UBXN7: variants seen among roughly 807,000 people sequenced by gnomAD.
UBXN7 encodes UBX domain protein 7.
A neutral mutation model predicts 58.0 loss-of-function variants in UBXN7; 9 were observed. The observed-to-expected ratio is 0.16, with a 90% CI of 0.09 to 0.27. UBXN7 has a LOEUF of 0.27. Among genes scored for constraint, UBXN7 ranks in the 10% least tolerant of loss-of-function variants. UBXN7 has a pLI of 1.00. For synonymous variants in UBXN7, 208 were observed against 205.0 expected (o/e 1.01, Z -0.12); for missense variants, 328 against 599.6 (o/e 0.55, Z 4.73).
chr3:196,401,292 T>C (rs1342809314), intron 3 of UBXN7, among the ~76,000 whole-genome samples: 4 of 84,170 alleles, frequency 4.8e-5, no homozygotes, highest in Non-Finnish European at 8.4e-5. Flanking sequence ...TATATATATA[T>C]ATATATACAC....
chr3:196,411,831 G>C (rs1187934308), intron 1 of UBXN7, among the ~76,000 whole-genome samples: 1 of 152,106 alleles, frequency 6.6e-6, no homozygotes, highest in Non-Finnish European at 1.5e-5. Context: ...CAAACTAGCA[G>C]ATGACATGGA....
rs369681168 is a variant in UBXN7 at position 196,418,672 on chromosome 3, AAATAC to A, written c.74-11284_74-11280del. Among the ~76,000 whole-genome samples the A allele has an allele frequency of 1.3e-3, 195 of 152,374 alleles. 2 individuals carry two copies. The highest frequency in any genetic ancestry group is 4.5e-3 in the African/African-American group (189 of 41,594). ...GGTGATAGGGAGGCAGTAGAAAACT[AAATAC>A]AAGTACAGTATGTATGTATTCTAGA... On this transcript the variant is annotated intron_variant, in intron 1 of 10. Coordinates refer to ENST00000296328, the MANE Select transcript of UBXN7 (RefSeq NM_015562.2).
At chr3:196,375,226 C>T (rs1359110493) in intron 5 of UBXN7, among the ~76,000 whole-genome samples, 1 of 146,676 alleles carries the variant, frequency 6.8e-6, no homozygotes, top group Non-Finnish European at 1.5e-5. Flanking sequence ...CACACACACA[C>T]GTAAAAAGAC....
At chr3:196,393,403 G>T in intron 4 of UBXN7, 151 bp downstream of exon 4, 1 of 645,264 alleles carries the variant, frequency 1.5e-6, no homozygotes, top group Non-Finnish European at 2.5e-6. Flanking sequence ...GAACAATTTA[G>T]CTCAGGGGAG....
At chr3:196,385,324 A>G (rs1005797690) in intron 5 of UBXN7, among the ~76,000 whole-genome samples, 3 of 152,182 alleles carry the variant, frequency 2.0e-5, no homozygotes, top group Admixed American at 2.0e-4. Flanking sequence ...CCCAGGCTGA[A>G]GTGCAGTGGC....
chr3:196,365,422 G>C (rs995914174), intron 8 of UBXN7, among the ~76,000 whole-genome samples: 1 of 151,988 alleles, frequency 6.6e-6, no homozygotes, highest in Non-Finnish European at 1.5e-5. Flanking sequence ...TTTCTTAAGA[G>C]ACAGAGTCTT....
chr3:196,393,802 G>A (rs964409455), intron 3 of UBXN7, 183 bp from the exon 4 acceptor site: 16 of 464,010 alleles, frequency 3.4e-5, no homozygotes, highest in African/African-American at 1.2e-4. Flanking sequence ...ATGTGCTGCC[G>A]CAGCGAGCAC....
At chr3:196,393,819 T>A (rs1729659450) in intron 3 of UBXN7, 200 bp from the exon 4 acceptor site, 1 of 401,550 alleles carries the variant, frequency 2.5e-6, no homozygotes, top group South Asian at 4.5e-5. Flanking sequence ...GCACAGTATT[T>A]CTTGTTTTAA....
chr3:196,374,922 A>G (rs1242734185), intron 5 of UBXN7, among the ~76,000 whole-genome samples: 3 of 4,218 alleles, frequency 7.1e-4, no homozygotes, highest in Non-Finnish European at 8.8e-4. Flanking sequence ...GGGGAGGGGG[A>G]GGGGAAGGGA....
intron 1 of UBXN7, among the ~76,000 whole-genome samples, chr3:196,417,137 C>T (rs1164305120): frequency 6.6e-6 from 1 of 152,050 alleles, no homozygotes; most frequent in African/African-American, 2.4e-5. Context: ...CACGGTGAAA[C>T]CCCGTCTCTA....
chr3:196,392,072 G>GAA (rs1274826315), intron 4 of UBXN7, 147 bp from the exon 5 acceptor site: 30 of 398,110 alleles, frequency 7.5e-5, no homozygotes, highest in Admixed American at 1.4e-4. Context: ...TGTTGACTCT[G>GAA]AAAAAAAAAA....
intron 1 of UBXN7, among the ~76,000 whole-genome samples, chr3:196,425,722 C>T (rs947656251): frequency 2.0e-5 from 3 of 152,188 alleles, no homozygotes; most frequent in Non-Finnish European, 2.9e-5. Context: ...TTCCCTAAAC[C>T]GATTGTCTCC....
chr3:196,408,517 A>G (rs1041583535), intron 1 of UBXN7, among the ~76,000 whole-genome samples: 14 of 152,224 alleles, frequency 9.2e-5, no homozygotes, highest in African/African-American at 3.4e-4. Context: ...ATGTAAATTG[A>G]ACATTTTCTG....
At chr3:196,362,059 T>C in intron 9 of UBXN7, 136 bp from the exon 10 acceptor site, 1 of 1,008,184 alleles carries the variant, frequency 9.9e-7, no homozygotes. Context: ...AGTGGCGTGA[T>C]CTCAGCTCAC....
intron 3 of UBXN7, 107 bp downstream of exon 3, chr3:196,402,844 AC>A: frequency 1.6e-6 from 2 of 1,218,948 alleles, no homozygotes; most frequent in Non-Finnish European, 2.3e-6. Context: ...ATAAGAAATG[AC>A]ACCACACTTC....
rs1304563538 is a variant in UBXN7 at position 196,350,143 on chromosome 3, G to A, written c.*6542C>T. ...CTAGAAATAAATCTGGTTATCTTTT[G>A]AAAATACTTTCTCATTACAGGAATG... On this transcript the variant is annotated 3_prime_UTR_variant, in exon 11 of 11. Transcript: ENST00000296328. The A allele has an allele frequency of 1.3e-5, 2 of 152,188 alleles. No homozygotes were observed. Among genetic ancestry groups the A allele is most frequent in the African/African-American group, 4.8e-5 (2 of 41,446 alleles). 9.4% of individuals were successfully genotyped at this position (152,188 alleles called of 1,614,324 possible). A position where few individuals can be genotyped will look rare whatever the true frequency, so the allele number is the denominator to read the frequency against.
chr3:196,401,298 T>TATATATATATATATATATACAC (rs1269101481), intron 3 of UBXN7, among the ~76,000 whole-genome samples: 1 of 61,692 alleles, frequency 1.6e-5, no homozygotes, highest in Non-Finnish European at 2.7e-5. Flanking sequence ...TATATATATA[T>TATATATATATATATATATACAC]ACACACACAC....
intron 2 of UBXN7, among the ~76,000 whole-genome samples, chr3:196,406,602 G>C (rs913007943): frequency 1.3e-5 from 2 of 151,836 alleles, no homozygotes; most frequent in Non-Finnish European, 2.9e-5. Context: ...ACCACGCCTG[G>C]CTAATTTTTG....
chr3:196,405,568 G>A (rs1239970115), intron 2 of UBXN7, among the ~76,000 whole-genome samples: 1 of 151,994 alleles, frequency 6.6e-6, no homozygotes, highest in African/African-American at 2.4e-5. Context: ...TACAGTGTGT[G>A]TGTGTGTGTG....
Sources: allele counts gnomAD v4.1 joint callset (sites outside exome capture counted in the v4.1 genomes callset), GRCh38; gene constraint gnomAD v4.1.1; transcripts MANE v1.5; gene names NCBI Gene and HGNC (gene_info 2026-07-23, HGNC 2026-07-21).